DTNA: variants seen among roughly 807,000 people sequenced by gnomAD.
DTNA encodes the protein dystrophin-related protein 3.
A neutral mutation model predicts 100.7 loss-of-function variants in DTNA; 43 were observed. That is an observed-to-expected ratio of 0.43 (90% CI 0.33 to 0.55). The LOEUF (loss-of-function observed/expected upper bound fraction) is 0.55, where lower values mean the gene tolerates loss of function less well. DTNA is among the 20% of genes least tolerant of loss of function. The probability of loss-of-function intolerance (pLI) is 0.04; values close to 1 mark genes in which losing one functional copy is unlikely to be tolerated. For missense variants in DTNA, 798 were observed against 953.9 expected, an observed-to-expected ratio of 0.84 and a Z score of 2.15; for synonymous variants, 349 against 347.9, an observed-to-expected ratio of 1.00 and a Z score of -0.04.
chr18:34,867,180 G>A (rs942512667), intron 17 of DTNA: 3 of 1,231,074 alleles, frequency 2.4e-6, no homozygotes, highest in Admixed American at 4.2e-5. Context: ...CATTTCTTCT[G>A]TATGCTCTTT....
At chr18:34,883,394 C>T (rs1421068876) in intron 21 of DTNA, among the ~76,000 whole-genome samples, 1 of 152,050 alleles carries the variant, frequency 6.6e-6, no homozygotes, top group Non-Finnish European at 1.5e-5. Context: ...TCACTGCAGC[C>T]TCTAACTCCT....
At chr18:34,611,961 C>T (rs971490416) in intron 1 of DTNA, among the ~76,000 whole-genome samples, 1 of 152,216 alleles carries the variant, frequency 6.6e-6, no homozygotes, top group South Asian at 2.1e-4. Flanking sequence ...TCACGGGGCT[C>T]ATTGATGGCT....
chr18:34,720,556 A>G lies in DTNA; in HGVS notation c.-2+10111A>G, dbSNP rs146431171. 8.7e-4 allele frequency among the ~76,000 whole-genome samples: 132 copies of G among 152,208 alleles called. 1 individual carries two copies. The highest frequency in any genetic ancestry group is 3.1e-3 in the African/African-American group (130 of 41,534). On this transcript the variant is annotated intron_variant, in intron 1 of 22. Coordinates refer to ENST00000444659, the MANE Select transcript of DTNA (RefSeq NM_001386795.1). ...CTACAGAGGAGAAGGGAAAGGCAAA[A>G]TCTGGATTCTGAGTAATCAGAAGTT...
At chr18:34,711,084 T>C (rs1177463988) in intron 1 of DTNA, among the ~76,000 whole-genome samples, 1 of 152,172 alleles carries the variant, frequency 6.6e-6, no homozygotes, top group Non-Finnish European at 1.5e-5. Context: ...GATTTAAAAA[T>C]AGAAGTAAAT....
At chr18:34,602,872 A>C (rs1019316951) in intron 1 of DTNA, among the ~76,000 whole-genome samples, 1 of 151,810 alleles carries the variant, frequency 6.6e-6, no homozygotes, top group African/African-American at 2.4e-5. Context: ...GCGTGGTGGC[A>C]GGCACCTGTA....
At chr18:34,602,594 G>C (rs929544905) in intron 1 of DTNA, among the ~76,000 whole-genome samples, 9 of 151,964 alleles carry the variant, frequency 5.9e-5, no homozygotes, top group Non-Finnish European at 1.0e-4. Flanking sequence ...AACCTCTAAG[G>C]CTGAGTGGTG....
intron 1 of DTNA, among the ~76,000 whole-genome samples, chr18:34,550,252 G>A (rs187848870): frequency 9.2e-4 from 140 of 152,164 alleles, no homozygotes; most frequent in Admixed American, 3.1e-3. Context: ...GATTTTCTCC[G>A]CGATCCTTCT....
chr18:34,715,893 C>G (rs2083948738), intron 1 of DTNA, among the ~76,000 whole-genome samples: 1 of 152,106 alleles, frequency 6.6e-6, no homozygotes, highest in South Asian at 2.1e-4. Flanking sequence ...TTAAAAATAT[C>G]TACAAATTAA....
intron 1 of DTNA, chr18:34,513,473 A>G (rs1353456780): frequency 6.6e-6 from 1 of 152,178 alleles, no homozygotes; most frequent in Non-Finnish European, 1.5e-5. Context: ...TCTGCCAGAT[A>G]CAAAGCTGAT....
intron 1 of DTNA, among the ~76,000 whole-genome samples, chr18:34,665,296 C>A (rs1291387697): frequency 6.6e-6 from 1 of 152,074 alleles, no homozygotes; most frequent in African/African-American, 2.4e-5. Context: ...TATTAAGAAT[C>A]TGATTTTCAT....
chr18:34,640,260 C>T (rs2059127975), intron 1 of DTNA, among the ~76,000 whole-genome samples: 1 of 152,210 alleles, frequency 6.6e-6, no homozygotes, highest in South Asian at 2.1e-4. Context: ...GTGTGACTGA[C>T]TCCCTGCCTG....
At chr18:34,835,784 G>A (rs983812289) in intron 11 of DTNA, among the ~76,000 whole-genome samples, 6 of 152,188 alleles carry the variant, frequency 3.9e-5, no homozygotes, top group African/African-American at 1.2e-4. Context: ...CATCTTTGTG[G>A]TTGACGTTCC....
rs574729701 is a variant in DTNA at position 34,829,315 on chromosome 18, G to A, written c.1086-85G>A. 23 of 1,526,420 alleles carry A rather than the reference G, an allele frequency of 1.5e-5. No homozygotes were observed. In the South Asian group the frequency reaches 2.8e-4, roughly 18 times the overall value. 94.6% of individuals were successfully genotyped at this position (1,526,420 alleles called of 1,614,324 possible). Reference sequence around the variant, plus strand: ...TGAGGGTGCTGTTCAATAAAGCTGTGTACACTAAATGTCTTTCCTCTCTGA... The same window carrying A: ...TGAGGGTGCTGTTCAATAAAGCTGTATACACTAAATGTCTTTCCTCTCTGA... On this transcript the variant is annotated intron_variant, in intron 10 of 22. Coordinates refer to ENST00000444659, the MANE Select transcript of DTNA (RefSeq NM_001386795.1).
intron 1 of DTNA, among the ~76,000 whole-genome samples, chr18:34,545,850 C>T (rs76401216): frequency 9.4e-4 from 142 of 151,804 alleles, no homozygotes; most frequent in Middle Eastern, 3.4e-3. Flanking sequence ...TTTGTTTCTC[C>T]GCAGGCTGTA....
At chr18:34,564,833 T>C (rs1395332949) in intron 1 of DTNA, among the ~76,000 whole-genome samples, 1 of 152,200 alleles carries the variant, frequency 6.6e-6, no homozygotes, top group Non-Finnish European at 1.5e-5. Flanking sequence ...ACAGGGTTAA[T>C]TGGAGTGTGG....
intron 3 of DTNA, among the ~76,000 whole-genome samples, chr18:34,776,545 G>A (rs781398076): frequency 1.2e-4 from 18 of 152,258 alleles, no homozygotes; most frequent in Non-Finnish European, 2.5e-4. Flanking sequence ...GTTTCACCAC[G>A]TTAGCCAGGA....
In DTNA at chr18:34,794,038, G is replaced by A. The variant is rs777492826; in HGVS notation, c.150G>A (p.Leu50=). The change falls in exon 4 of 23, where the codon TTG becomes TTA. Residue 50 remains leucine, a splice_region_variant and synonymous_variant. Transcript: ENST00000444659. ...KLRFVQKKCN[L]HLVDIWNVIE... is the part of the protein sequence containing the mutation. ...GTGTTAACTCTGCTTTAATTGTAGT[G>A]CACCTGGTGGACATATGGAATGTCA... is the stretch of plus-strand genomic sequence containing the variant. 2 of 1,613,770 alleles carry A rather than the reference G, an allele frequency of 1.2e-6. No homozygotes were observed. Among genetic ancestry groups the A allele is most frequent in the Middle Eastern group, 1.7e-4 (1 of 6,060 alleles).
chr18:34,668,405 T>G, intron 1 of DTNA, among the ~76,000 whole-genome samples: 1 of 152,144 alleles, frequency 6.6e-6, no homozygotes, highest in Non-Finnish European at 1.5e-5. Flanking sequence ...TTTTGAAGGG[T>G]TTTTTGTGTC....
At chr18:34,793,997 A>G (rs1322700013) in intron 3 of DTNA, 40 bp from the exon 4 acceptor site, 2 of 1,600,022 alleles carry the variant, frequency 1.2e-6, no homozygotes, top group African/African-American at 1.3e-5. Context: ...TTTGCCTTCC[A>G]TTACTTTGGG....
Sources: allele counts gnomAD v4.1 joint callset (sites outside exome capture counted in the v4.1 genomes callset), GRCh38; gene constraint gnomAD v4.1.1; transcripts MANE v1.5; gene names NCBI Gene and HGNC (gene_info 2026-07-23, HGNC 2026-07-21).